The following ANKS1B variants were observed in gnomAD, a reference collection of about 807,000 sequenced individuals.
The protein encoded by ANKS1B is ankyrin repeat and sterile alpha motif domain-containing protein 1B.
A neutral mutation model predicts 148.3 loss-of-function variants in ANKS1B; 36 were observed. The observed-to-expected ratio is 0.24, with a 90% confidence interval of 0.19 to 0.32. The LOEUF is 0.32. Among genes scored for constraint, ANKS1B ranks in the 10% least tolerant of loss-of-function variants. The pLI, the probability that ANKS1B is intolerant of heterozygous loss-of-function variation, is 1.00. For synonymous variants in ANKS1B, 542 were observed against 560.8 expected (o/e 0.97, Z 0.47); for missense variants, 1,157 against 1,542.6 (o/e 0.75, Z 4.19).
At chr12:99,037,403 C>T (rs761557660) in intron 17 of ANKS1B, among the ~76,000 whole-genome samples, 64 of 151,986 alleles carry the variant, frequency 4.2e-4, no homozygotes, top group African/African-American at 1.3e-3. Context: ...GTAATCCTAG[C>T]TACTCGGGAG....
intron 12 of ANKS1B, among the ~76,000 whole-genome samples, chr12:99,298,116 T>C (rs2081142966): frequency 6.6e-6 from 1 of 152,166 alleles, no homozygotes; most frequent in Non-Finnish European, 1.5e-5. Context: ...CTGTCAGATG[T>C]CTGTACATGT....
chr12:98,975,230 C>CTCCT (rs150543776), intron 17 of ANKS1B, among the ~76,000 whole-genome samples: 3 of 135,468 alleles, frequency 2.2e-5, no homozygotes, highest in Admixed American at 7.4e-5. Context: ...TCCCTCCCAT[C>CTCCT]TCCTTCCTTC....
At chr12:99,150,757 C>G (rs759641004) in intron 15 of ANKS1B, among the ~76,000 whole-genome samples, 20 of 152,040 alleles carry the variant, frequency 1.3e-4, no homozygotes, top group Non-Finnish European at 2.8e-4. Context: ...GACACATTCT[C>G]TATGTTGCAA....
chr12:99,594,772 T>G (rs1386911558), intron 9 of ANKS1B, among the ~76,000 whole-genome samples: 1 of 151,964 alleles, frequency 6.6e-6, no homozygotes. Context: ...TTATGCAAGA[T>G]GAATAAGCTC....
chr12:99,954,987 T>C (rs2095293637), intron 1 of ANKS1B, among the ~76,000 whole-genome samples: 1 of 152,218 alleles, frequency 6.6e-6, no homozygotes, highest in Admixed American at 6.5e-5. Context: ...GCCCTTTGTC[T>C]GCCTTGACCA....
At chr12:99,581,909 A>G (rs916640158) in intron 9 of ANKS1B, among the ~76,000 whole-genome samples, 5 of 151,120 alleles carry the variant, frequency 3.3e-5, no homozygotes, top group Non-Finnish European at 7.4e-5. Flanking sequence ...AAAAAAAAAA[A>G]AAAAAAGAAA....
chr12:99,927,692 G>A (rs531363500), intron 1 of ANKS1B, among the ~76,000 whole-genome samples: 1 of 152,196 alleles, frequency 6.6e-6, no homozygotes, highest in Non-Finnish European at 1.5e-5. Flanking sequence ...TAAGGCAGGA[G>A]GATCACTTGG....
intron 12 of ANKS1B, among the ~76,000 whole-genome samples, chr12:99,362,311 T>A (rs1421548877): frequency 6.6e-6 from 1 of 152,040 alleles, no homozygotes. Context: ...TTATACATTA[T>A]CTTTACATAT....
intron 1 of ANKS1B, among the ~76,000 whole-genome samples, chr12:99,845,781 A>G (rs1464776433): frequency 2.6e-5 from 4 of 152,092 alleles, no homozygotes; most frequent in Non-Finnish European, 4.4e-5. Flanking sequence ...TTTTTGGAAT[A>G]GTTTCAATAG....
At chr12:98,846,580 C>G (rs2099472445) in intron 17 of ANKS1B, among the ~76,000 whole-genome samples, 2 of 152,236 alleles carry the variant, frequency 1.3e-5, no homozygotes, top group South Asian at 4.1e-4. Flanking sequence ...ATGGAGACAA[C>G]TGATGATTCT....
At position 98,829,178 on chromosome 12, in the gene ANKS1B, G is replaced by A; in HGVS notation, c.3062C>T (p.Ala1021Val). ...IPRSKLERQM[A>V]QQSSVCEIWT... ...CAAAGGCTTATAACACCTTACCTGA[G>A]CCATCTGCCTCTCCAGTTTTGATCG... Residue 1021 changes from alanine to valine, a missense_variant, in exon 19 of 27, where the codon GCT (alanine) becomes GTT (valine). Physicochemically the swap from Ala to Val is moderately conservative, Grantham distance 64. This residue lies in a region of ANKS1B where 258 missense variants were observed against 497.0 expected (regional missense o/e 0.52). Transcript: ENST00000683438. The surrounding 1 kb of genome is among the most constrained non-coding windows in gnomAD (Gnocchi z 5.2). 1 of 1,613,982 alleles carries A rather than the reference G, an allele frequency of 6.2e-7. No homozygotes were observed. Among genetic ancestry groups the A allele is most frequent in the Non-Finnish European group, 8.5e-7 (1 of 1,179,866 alleles).
At chr12:99,982,592 C>T (rs1006878170) in intron 1 of ANKS1B, among the ~76,000 whole-genome samples, 1 of 152,108 alleles carries the variant, frequency 6.6e-6, no homozygotes, top group South Asian at 2.1e-4. Context: ...TTACGTGTAA[C>T]TTAAAACTGT....
At chr12:98,948,776 C>CCCAA (rs1555530376) in intron 17 of ANKS1B, among the ~76,000 whole-genome samples, 1 of 145,794 alleles carries the variant, frequency 6.9e-6, no homozygotes, top group African/African-American at 2.6e-5. Context: ...CACCCCCCCC[C>CCCAA]ACACACACAC....
chr12:99,613,539 C>A (rs1490870506), intron 9 of ANKS1B, among the ~76,000 whole-genome samples: 2 of 152,010 alleles, frequency 1.3e-5, no homozygotes, highest in African/African-American at 2.4e-5. Context: ...AGAATGAGAT[C>A]ATGTCCTTTT....
chr12:99,693,765 A>ACAAATATTTT (rs1301485148), intron 8 of ANKS1B, among the ~76,000 whole-genome samples: 2 of 151,378 alleles, frequency 1.3e-5, no homozygotes, highest in Non-Finnish European at 1.5e-5. Context: ...TGGTCTTTCA[A>ACAAATATTTT]CAAATATTTT....
chr12:98,979,336 T>G (rs1467103575), intron 17 of ANKS1B, among the ~76,000 whole-genome samples: 1 of 151,264 alleles, frequency 6.6e-6, no homozygotes, highest in Non-Finnish European at 1.5e-5. Flanking sequence ...GGCGCAATCT[T>G]GGCTCACTGC....
chr12:98,870,777 G>T (rs1246460816), intron 17 of ANKS1B, among the ~76,000 whole-genome samples: 1 of 152,216 alleles, frequency 6.6e-6, no homozygotes, highest in Non-Finnish European at 1.5e-5. Context: ...CAGCATCCAG[G>T]AGGCAGGCCC....
At position 99,942,297 on chromosome 12, in the gene ANKS1B, C is replaced by T. The variant is rs149123957; in HGVS notation, c.134+41807G>A. Reference sequence around the variant, plus strand: ...AGCATTATTTGCAACAGAGAAATCACGGAAAATTAGGACTGACAAAAAGGC... The same window carrying T: ...AGCATTATTTGCAACAGAGAAATCATGGAAAATTAGGACTGACAAAAAGGC... On this transcript the variant is annotated intron_variant, in intron 1 of 26. Coordinates refer to ENST00000683438, the MANE Select transcript of ANKS1B (RefSeq NM_001352186.2). Among the ~76,000 whole-genome samples the T allele has an allele frequency of 7.2e-5, 11 of 151,996 alleles. No homozygotes were observed. The East Asian group carries it at 1.6e-3, about 21-fold the overall frequency.
intron 1 of ANKS1B, among the ~76,000 whole-genome samples, chr12:99,908,374 G>T (rs186986317): frequency 2.0e-3 from 311 of 152,182 alleles, no homozygotes; most frequent in Admixed American, 3.6e-3. Context: ...GAGCTCAAAA[G>T]TTGGAGACCA....
Sources: gnomAD v4.1 joint callset for allele counts (sites outside exome capture counted in the v4.1 genomes callset) on GRCh38, gnomAD v4.1.1 for gene constraint, gnomAD v4.1.1 regional missense constraint, Gnocchi (gnomAD v3.1) non-coding constraint, MANE v1.5 for transcripts, NCBI Gene and HGNC (gene_info 2026-07-23, HGNC 2026-07-21) for gene names.